NCAM2: variants seen among roughly 807,000 people sequenced by gnomAD.
NCAM2 encodes the protein neural cell adhesion molecule 2, also known as N-CAM-2.
A neutral mutation model predicts 98.1 loss-of-function variants in NCAM2; 30 were observed. The observed-to-expected ratio is 0.31, with a 90% CI of 0.23 to 0.41. NCAM2 has a LOEUF of 0.41. Among genes scored for constraint, NCAM2 ranks in the 10% least tolerant of loss-of-function variants. The probability of loss-of-function intolerance (pLI) is 1.00; values close to 1 mark genes in which losing one functional copy is unlikely to be tolerated. For missense variants in NCAM2, 867 were observed against 1,005.8 expected (o/e 0.86, Z 1.87); for synonymous variants, 368 against 342.4 (o/e 1.07, Z -0.83).
intron 5 of NCAM2, among the ~76,000 whole-genome samples, chr21:21,293,537 G>A (rs1232544679): frequency 6.6e-6 from 1 of 151,670 alleles, no homozygotes; most frequent in Non-Finnish European, 1.5e-5. Flanking sequence ...ATTTTTCAAT[G>A]GTCTTTCTAG....
At chr21:21,528,609 A>G (rs561810501) in intron 16 of NCAM2, among the ~76,000 whole-genome samples, 8 of 152,328 alleles carry the variant, frequency 5.3e-5, no homozygotes, top group African/African-American at 1.2e-4. Context: ...AAAAATTACA[A>G]TGTATATGGT....
At chr21:21,370,371 G>A (rs2075888236) in intron 8 of NCAM2, among the ~76,000 whole-genome samples, 1 of 151,898 alleles carries the variant, frequency 6.6e-6, no homozygotes, top group South Asian at 2.1e-4. Context: ...AATGTTTTGT[G>A]TCTAATTTTT....
intron 5 of NCAM2, among the ~76,000 whole-genome samples, chr21:21,317,947 C>A (rs891973526): frequency 1.8e-4 from 27 of 152,180 alleles, no homozygotes; most frequent in Non-Finnish European, 3.5e-4. Flanking sequence ...ATTCTCAGAT[C>A]AGTTTCTGCA....
At chr21:21,169,507 A>T (rs2068053218) in intron 1 of NCAM2, among the ~76,000 whole-genome samples, 1 of 152,214 alleles carries the variant, frequency 6.6e-6, no homozygotes, top group Admixed American at 6.5e-5. Flanking sequence ...AAGTGAAGCC[A>T]CAGACTGAGA....
chr21:21,191,615 G>A lies in NCAM2; in HGVS notation c.56-88963G>A, dbSNP rs562883218. On this transcript the variant is annotated intron_variant, in intron 1 of 17. Coordinates refer to ENST00000400546, the MANE Select transcript of NCAM2 (RefSeq NM_004540.5). Reference sequence around the variant, plus strand: ...TCTTGTCTTTGGTAGGATTTGTGAAGCTCTGCAAATCAGAGATAATTTAGA... The same window carrying A: ...TCTTGTCTTTGGTAGGATTTGTGAAACTCTGCAAATCAGAGATAATTTAGA... 2.6e-5 allele frequency among the ~76,000 whole-genome samples: 4 copies of A among 152,274 alleles called. No individual in the cohort carries two copies. In the South Asian group the frequency reaches 8.3e-4, roughly 32 times the overall value.
intron 12 of NCAM2, among the ~76,000 whole-genome samples, chr21:21,440,939 C>T (rs116731904): frequency 0.018 from 2,737 of 151,996 alleles, 93 homozygotes; most frequent in African/African-American, 0.063. Flanking sequence ...GTCAAGTTAA[C>T]AATCAAACTC....
At chr21:21,062,470 G>A (rs1462099946) in intron 1 of NCAM2, among the ~76,000 whole-genome samples, 1 of 152,126 alleles carries the variant, frequency 6.6e-6, no homozygotes, top group Non-Finnish European at 1.5e-5. Flanking sequence ...TACACATTCA[G>A]CAAATGTTGG....
Position 21,539,751 on chromosome 21 carries a change from C to A in NCAM2, c.*1794C>A, listed in dbSNP as rs1990155610. On this transcript the variant is annotated 3_prime_UTR_variant, in exon 18 of 18. Transcript: ENST00000400546. ...GTATTCTGAAGAAAAGAACAGAATT[C>A]TTGTGCCTACCTAAGAATTTGAGTA... is the stretch of plus-strand genomic sequence containing the variant. 2 of 152,140 alleles carry A rather than the reference C, an allele frequency of 1.3e-5. No individual in the cohort carries two copies. The highest frequency in any genetic ancestry group is 6.6e-5 in the Admixed American group (1 of 15,254). 9.4% of individuals were successfully genotyped at this position (152,140 alleles called of 1,614,324 possible). A position where few individuals can be genotyped will look rare whatever the true frequency, so the allele number is the denominator to read the frequency against.
chr21:21,067,571 A>G (rs1483144526), intron 1 of NCAM2, among the ~76,000 whole-genome samples: 2 of 152,188 alleles, frequency 1.3e-5, no homozygotes, highest in African/African-American at 4.8e-5. Context: ...TATGCAATAC[A>G]TTCTATAGTC....
intron 12 of NCAM2, among the ~76,000 whole-genome samples, chr21:21,449,618 C>T (rs1397178162): frequency 6.6e-6 from 1 of 151,802 alleles, no homozygotes; most frequent in African/African-American, 2.4e-5. Context: ...TTGTATTAAA[C>T]ATTATTTAAC....
chr21:21,438,535 A>G (rs1978734715), intron 12 of NCAM2, among the ~76,000 whole-genome samples: 1 of 152,198 alleles, frequency 6.6e-6, no homozygotes, highest in Non-Finnish European at 1.5e-5. Flanking sequence ...AACCAGTCAC[A>G]TATCAACAAC....
intron 1 of NCAM2, among the ~76,000 whole-genome samples, chr21:21,101,814 T>C (rs1190324726): frequency 1.3e-5 from 2 of 152,094 alleles, no homozygotes; most frequent in Admixed American, 6.6e-5. Context: ...GTTAAAATCA[T>C]TTTGTCTCTC....
At chr21:21,499,223 A>G (rs1288145929) in intron 15 of NCAM2, among the ~76,000 whole-genome samples, 1 of 152,216 alleles carries the variant, frequency 6.6e-6, no homozygotes, top group Non-Finnish European at 1.5e-5. Context: ...AATGAAGATA[A>G]CATATTAAAC....
At chr21:21,396,662 G>A (rs1363828198) in intron 9 of NCAM2, among the ~76,000 whole-genome samples, 1 of 152,290 alleles carries the variant, frequency 6.6e-6, no homozygotes, top group East Asian at 1.9e-4. Flanking sequence ...CTGCTGTGGT[G>A]GGACAGGCAG....
At chr21:21,311,581 TCCACCCACCTCAG>T (rs2074056426) in intron 5 of NCAM2, among the ~76,000 whole-genome samples, 1 of 152,120 alleles carries the variant, frequency 6.6e-6, no homozygotes, top group African/African-American at 2.4e-5. Context: ...GACCTCGTGA[TCCACCCACCTCAG>T]CCTCCCAAAG....
chr21:21,322,537 G>A (rs1401922765), intron 5 of NCAM2, among the ~76,000 whole-genome samples: 21 of 152,152 alleles, frequency 1.4e-4, no homozygotes, highest in Non-Finnish European at 1.2e-4. Context: ...AAAAATCTAT[G>A]TGTGCATTTA....
chr21:21,475,666 A>G (rs1985073173), intron 14 of NCAM2, among the ~76,000 whole-genome samples: 1 of 152,210 alleles, frequency 6.6e-6, no homozygotes, highest in Admixed American at 6.6e-5. Flanking sequence ...TACTGGCTAC[A>G]GGCCATTTTT....
At position 21,500,534 on chromosome 21, in the gene NCAM2, A is replaced by G. The variant is rs577079166; in HGVS notation, c.2078-8317A>G. ...ATAACTTGCGTAAATCAAAATTTTC[A>G]TTTTCCTTTTTTTCTACCTGTAATT... is the stretch of plus-strand genomic sequence containing the variant. On this transcript the variant is annotated intron_variant, in intron 15 of 17. Coordinates refer to ENST00000400546, the MANE Select transcript of NCAM2 (RefSeq NM_004540.5). 1.3e-3 allele frequency among the ~76,000 whole-genome samples: 154 copies of G among 122,410 alleles called. 1 individual carries two copies. Among genetic ancestry groups the G allele is most frequent in the Non-Finnish European group, 2.6e-3 (127 of 49,798 alleles). The allele number at this position is 122,410 out of a possible 152,430, so 80.3% of individuals were successfully genotyped here. A position where few individuals can be genotyped will look rare whatever the true frequency, so the allele number is the denominator to read the frequency against.
Position 21,315,648 on chromosome 21 carries a change from C to T in NCAM2, c.620-8735C>T, listed in dbSNP as rs80151298. 5.9e-3 allele frequency among the ~76,000 whole-genome samples: 897 copies of T among 152,300 alleles called. 22 individuals carry two copies. In the East Asian group the frequency reaches 0.07, roughly 12 times the overall value. ...TGCTTCCTGAGTCTGAACTGGAAGG[C>T]TTCTCTTTCTTGGACATTTCTAGAG... On this transcript the variant is annotated intron_variant, in intron 5 of 17. Coordinates refer to ENST00000400546, the MANE Select transcript of NCAM2 (RefSeq NM_004540.5).
Sources: allele counts gnomAD v4.1 joint callset (sites outside exome capture counted in the v4.1 genomes callset), GRCh38; gene constraint gnomAD v4.1.1; transcripts MANE v1.5; gene names NCBI Gene and HGNC (gene_info 2026-07-23, HGNC 2026-07-21).